C1QTNF7: variants seen among roughly 807,000 people sequenced by gnomAD.
C1QTNF7 encodes complement C1q tumor necrosis factor-related protein 7.
C1QTNF7 carries 15 observed loss-of-function variants against 19.6 expected under a neutral mutation model. The ratio of observed to expected loss-of-function variants is 0.76; its 90% CI spans 0.51 to 1.18. The LOEUF (loss-of-function observed/expected upper bound fraction) is 1.18. Among genes scored for constraint, C1QTNF7 ranks in the 50% most tolerant of loss-of-function variants. C1QTNF7 has a pLI of 0.00. For missense variants in C1QTNF7, 324 were observed against 359.7 expected, an observed-to-expected ratio of 0.90 and a Z score of 0.80; for synonymous variants, 142 against 137.5, an observed-to-expected ratio of 1.03 and a Z score of -0.23.
At chr4:15,407,468 A>G (rs1316012783) in intron 1 of C1QTNF7, among the ~76,000 whole-genome samples, 2 of 152,198 alleles carry the variant, frequency 1.3e-5, no homozygotes, top group Non-Finnish European at 1.5e-5. Context: ...ACCTGCACTG[A>G]TGTTAGCCGC....
chr4:15,359,741 C>T (rs1438389793), intron 1 of C1QTNF7, among the ~76,000 whole-genome samples: 1 of 152,120 alleles, frequency 6.6e-6, no homozygotes. Context: ...TTTTCAACTC[C>T]TTGAGAACTC....
chr4:15,346,965 T>A (rs1220008706), intron 1 of C1QTNF7, among the ~76,000 whole-genome samples: 2 of 152,162 alleles, frequency 1.3e-5, no homozygotes, highest in African/African-American at 4.8e-5. Context: ...CTGAGTCCAT[T>A]CTCTTGACTT....
At chr4:15,386,674 C>T (rs761261408) in intron 1 of C1QTNF7, among the ~76,000 whole-genome samples, 4 of 152,022 alleles carry the variant, frequency 2.6e-5, no homozygotes, top group Admixed American at 6.6e-5. Context: ...AAGAGCAAGA[C>T]GATGCTATAG....
upstream of C1QTNF7, among the ~76,000 whole-genome samples, chr4:15,423,146 C>T (rs1266545139): frequency 1.3e-5 from 2 of 152,158 alleles, no homozygotes; most frequent in Admixed American, 6.5e-5. Context: ...GACCTGAGTT[C>T]CAGTTCTGGT....
intron 1 of C1QTNF7, among the ~76,000 whole-genome samples, chr4:15,365,185 A>G (rs1717470961): frequency 6.6e-6 from 1 of 152,110 alleles, no homozygotes; most frequent in African/African-American, 2.4e-5. Flanking sequence ...ATGAATTAAA[A>G]TCTAGTATAT....
chr4:15,429,992 T>C (rs1712234431), intron 1 of C1QTNF7, among the ~76,000 whole-genome samples: 2 of 152,178 alleles, frequency 1.3e-5, no homozygotes, highest in South Asian at 2.1e-4. Flanking sequence ...TCTATGAACA[T>C]GTTTTCCAGG....
At chr4:15,423,843 G>A (rs1711910806), upstream of C1QTNF7, among the ~76,000 whole-genome samples, 1 of 152,114 alleles carries the variant, frequency 6.6e-6, no homozygotes, top group Non-Finnish European at 1.5e-5. Context: ...TAGGTCAGAT[G>A]TCATTCCTTT....
At chr4:15,389,443 G>A (rs1392662512) in intron 1 of C1QTNF7, among the ~76,000 whole-genome samples, 1 of 151,956 alleles carries the variant, frequency 6.6e-6, no homozygotes, top group East Asian at 1.9e-4. Context: ...TTTTTAGATG[G>A]AATTTTGCTC....
intron 1 of C1QTNF7, among the ~76,000 whole-genome samples, chr4:15,344,976 G>T (rs373333696): frequency 6.6e-6 from 1 of 152,196 alleles, no homozygotes; most frequent in Non-Finnish European, 1.5e-5. Context: ...ATGATCTTCT[G>T]CAGTTCCCAA....
chr4:15,360,008 C>G (rs1468683903), intron 1 of C1QTNF7, among the ~76,000 whole-genome samples: 1 of 152,172 alleles, frequency 6.6e-6, no homozygotes, highest in African/African-American at 2.4e-5. Flanking sequence ...CAGAGTTAGA[C>G]CTGAGTGGTG....
chr4:15,357,462 G>T (rs1292047813), intron 1 of C1QTNF7, among the ~76,000 whole-genome samples: 1 of 151,178 alleles, frequency 6.6e-6, no homozygotes, highest in Non-Finnish European at 1.5e-5. Context: ...CTATATATCT[G>T]TTACCATGCT....
At chr4:15,390,378 G>C (rs1266736833) in intron 1 of C1QTNF7, among the ~76,000 whole-genome samples, 1 of 152,202 alleles carries the variant, frequency 6.6e-6, no homozygotes, top group African/African-American at 2.4e-5. Flanking sequence ...TGTCTTTACA[G>C]CAAAACCCAG....
chr4:15,404,622 C>G (rs180847793), intron 1 of C1QTNF7, among the ~76,000 whole-genome samples: 1 of 152,284 alleles, frequency 6.6e-6, no homozygotes, highest in East Asian at 1.9e-4. Flanking sequence ...GAGTCAATGA[C>G]TAGGATCACT....
At chr4:15,437,180 C>T (rs1712572028) in intron 2 of C1QTNF7, among the ~76,000 whole-genome samples, 1 of 151,934 alleles carries the variant, frequency 6.6e-6, no homozygotes, top group South Asian at 2.1e-4. Flanking sequence ...TTATATATTG[C>T]TTTTAGTTTA....
At position 15,439,986 on chromosome 4, in the gene C1QTNF7, T is replaced by C. The variant is rs139378928; in HGVS notation, c.239-2182T>C. On this transcript the variant is annotated intron_variant, in intron 2 of 2. Transcript: ENST00000444304. ...ATACAAAATCAATGTCTTATATAGATTTTATATGTATAAAATATTGTATAT... is the reference window on the plus strand; with the variant it reads ...ATACAAAATCAATGTCTTATATAGACTTTATATGTATAAAATATTGTATAT... 6.8e-3 allele frequency among the ~76,000 whole-genome samples: 1,008 copies of C among 149,268 alleles called. 9 individuals carry two copies. Among genetic ancestry groups the C allele is most frequent in the African/African-American group, 0.023 (960 of 41,332 alleles).
At chr4:15,399,061 C>A (rs1194700959) in intron 1 of C1QTNF7, among the ~76,000 whole-genome samples, 5 of 152,122 alleles carry the variant, frequency 3.3e-5, no homozygotes, top group African/African-American at 1.2e-4. Context: ...CCCCACCAGT[C>A]TAGCATTCCT....
chr4:15,411,117 A>G (rs909425635), intron 1 of C1QTNF7, among the ~76,000 whole-genome samples: 4 of 152,202 alleles, frequency 2.6e-5, no homozygotes, highest in Non-Finnish European at 5.9e-5. Flanking sequence ...ATTCATTCCA[A>G]TAAGAACTTA....
chr4:15,428,256 A>C lies in C1QTNF7; in HGVS notation c.-9+150A>C, dbSNP rs1023568305. ...CCTAGCTTCAAGTCTCTGGACTGAC[A>C]CTAGCTTTCTAACCATAGACAAGTT... is the stretch of plus-strand genomic sequence containing the variant. On this transcript the variant is annotated intron_variant, in intron 1 of 2. Transcript: ENST00000444304. 5 of 209,142 alleles carry C rather than the reference A, an allele frequency of 2.4e-5. No homozygotes were observed. In the Admixed American group the frequency reaches 3.3e-4, roughly 14 times the overall value. The allele number at this position is 209,142 out of a possible 1,614,324, so 13.0% of individuals were successfully genotyped here. A position where few individuals can be genotyped will look rare whatever the true frequency, so the allele number is the denominator to read the frequency against.
intron 1 of C1QTNF7, among the ~76,000 whole-genome samples, chr4:15,372,967 T>C (rs1717786939): frequency 6.6e-6 from 1 of 152,200 alleles, no homozygotes; most frequent in Admixed American, 6.5e-5. Flanking sequence ...CCAGGAGCCC[T>C]GGCACCTAGT....
Sources: gnomAD v4.1 joint callset for allele counts (sites outside exome capture counted in the v4.1 genomes callset) on GRCh38, gnomAD v4.1.1 for gene constraint, MANE v1.5 for transcripts, NCBI Gene and HGNC (gene_info 2026-07-23, HGNC 2026-07-21) for gene names.